The following PDGFC variants were observed in gnomAD, a reference collection of about 807,000 sequenced individuals.
PDGFC encodes the protein platelet-derived growth factor C.
PDGFC carries 12 observed loss-of-function variants against 35.5 expected under a neutral mutation model. The observed-to-expected ratio is 0.34, with a 90% CI of 0.22 to 0.55. PDGFC has a LOEUF of 0.55. PDGFC is among the 20% of genes least tolerant of loss of function. PDGFC has a pLI of 0.91. For synonymous variants in PDGFC, 159 were observed against 148.8 expected (o/e 1.07, Z -0.50); for missense variants, 322 against 412.4 (o/e 0.78, Z 1.90).
intron 1 of PDGFC, among the ~76,000 whole-genome samples, chr4:156,888,505 A>T (rs1298189777): frequency 3.3e-5 from 5 of 152,200 alleles, no homozygotes; most frequent in Admixed American, 3.3e-4. Flanking sequence ...TGTAAAGAAC[A>T]TCCCCATCAC....
intron 3 of PDGFC, among the ~76,000 whole-genome samples, chr4:156,780,655 C>T (rs1158570112): frequency 6.6e-6 from 1 of 152,046 alleles, no homozygotes; most frequent in Non-Finnish European, 1.5e-5. Context: ...AATAAGGGTA[C>T]AGAGTTATTT....
At chr4:156,918,585 T>C in intron 1 of PDGFC, among the ~76,000 whole-genome samples, 1 of 152,188 alleles carries the variant, frequency 6.6e-6, no homozygotes, top group East Asian at 1.9e-4. Flanking sequence ...GTGGCAGCAT[T>C]AGATTCTCAC....
intron 1 of PDGFC, among the ~76,000 whole-genome samples, chr4:156,880,878 G>T (rs907367202): frequency 6.6e-6 from 1 of 152,208 alleles, no homozygotes; most frequent in Non-Finnish European, 1.5e-5. Flanking sequence ...GATGAGCAAA[G>T]AAAGTGATTT....
intron 1 of PDGFC, among the ~76,000 whole-genome samples, chr4:156,938,507 A>G (rs184857557): frequency 4.6e-5 from 7 of 152,246 alleles, no homozygotes; most frequent in African/African-American, 1.7e-4. Flanking sequence ...AGATTTCTTT[A>G]TAATATCAAA....
Position 156,934,891 on chromosome 4 carries a change from A to G in PDGFC, c.118+35895T>C, listed in dbSNP as rs115060153. 5.4e-3 allele frequency among the ~76,000 whole-genome samples: 819 copies of G among 152,312 alleles called. 8 individuals carry two copies. The highest frequency in any genetic ancestry group is 0.019 in the African/African-American group (773 of 41,572). ...TCCCACTGGAAGGTTTTCAGGGGCAATAATAGGCATGGACATGTCATCTCC... is the reference window on the plus strand; with the variant it reads ...TCCCACTGGAAGGTTTTCAGGGGCAGTAATAGGCATGGACATGTCATCTCC... On this transcript the variant is annotated intron_variant, in intron 1 of 5. Coordinates refer to ENST00000502773, the MANE Select transcript of PDGFC (RefSeq NM_016205.3).
At chr4:156,819,933 G>T (rs1732201269) in intron 2 of PDGFC, among the ~76,000 whole-genome samples, 1 of 152,178 alleles carries the variant, frequency 6.6e-6, no homozygotes, top group Non-Finnish European at 1.5e-5. Flanking sequence ...GAGTTTGGAA[G>T]AAACTGGTTC....
intron 1 of PDGFC, among the ~76,000 whole-genome samples, chr4:156,926,691 C>T (rs569347722): frequency 5.9e-5 from 9 of 152,340 alleles, no homozygotes; most frequent in African/African-American, 1.2e-4. Flanking sequence ...CCTGGTCTTG[C>T]GCAGCTCCGC....
At chr4:156,832,798 C>T (rs965107003) in intron 2 of PDGFC, among the ~76,000 whole-genome samples, 3 of 152,184 alleles carry the variant, frequency 2.0e-5, no homozygotes, top group African/African-American at 4.8e-5. Context: ...TCCAATATGT[C>T]GGTCTGCAGG....
intron 3 of PDGFC, among the ~76,000 whole-genome samples, chr4:156,783,418 T>G (rs1195404968): frequency 2.0e-5 from 3 of 152,138 alleles, no homozygotes; most frequent in Admixed American, 6.5e-5. Flanking sequence ...GAAGGGGGTG[T>G]GCAGACTCTG....
intron 1 of PDGFC, chr4:156,861,346 A>C (rs1729705430): frequency 2.2e-6 from 1 of 444,702 alleles, no homozygotes; most frequent in South Asian, 1.9e-5. Flanking sequence ...CATTGTATCA[A>C]GCTTAATTAC....
chr4:156,942,942 G>A (rs568985343), intron 1 of PDGFC, among the ~76,000 whole-genome samples: 12 of 152,010 alleles, frequency 7.9e-5, no homozygotes, highest in East Asian at 1.9e-4. Flanking sequence ...TATCCCTCTC[G>A]GCTAGAGTAT....
At chr4:156,797,342 C>G (rs746027411) in intron 3 of PDGFC, among the ~76,000 whole-genome samples, 1 of 152,180 alleles carries the variant, frequency 6.6e-6, no homozygotes, top group South Asian at 2.1e-4. Context: ...TCACCCCTCG[C>G]CCACACCCCA....
intron 2 of PDGFC, among the ~76,000 whole-genome samples, chr4:156,834,827 T>A (rs944192234): frequency 2.0e-5 from 3 of 152,114 alleles, no homozygotes; most frequent in African/African-American, 7.2e-5. Context: ...TACTACTTCA[T>A]AACTGTCAGT....
At chr4:156,935,356 C>T (rs1001454914) in intron 1 of PDGFC, among the ~76,000 whole-genome samples, 7 of 152,074 alleles carry the variant, frequency 4.6e-5, no homozygotes, top group Non-Finnish European at 8.8e-5. Context: ...AATAGTATAG[C>T]AAATACAAAA....
At chr4:156,809,004 C>T (rs1028015340) in intron 3 of PDGFC, among the ~76,000 whole-genome samples, 2 of 151,974 alleles carry the variant, frequency 1.3e-5, no homozygotes, top group African/African-American at 4.8e-5. Flanking sequence ...TAGGACACTA[C>T]CTTCATTCTC....
At chr4:156,936,053 T>C (rs1446781835) in intron 1 of PDGFC, among the ~76,000 whole-genome samples, 4 of 152,196 alleles carry the variant, frequency 2.6e-5, no homozygotes, top group Non-Finnish European at 5.9e-5. Flanking sequence ...GTTATGGTCA[T>C]TGGAGATTAA....
At chr4:156,764,208 T>G (rs1343745671) in intron 5 of PDGFC, among the ~76,000 whole-genome samples, 1 of 152,206 alleles carries the variant, frequency 6.6e-6, no homozygotes, top group African/African-American at 2.4e-5. Context: ...AAATGTTCAT[T>G]AATCCAAAAA....
intron 1 of PDGFC, among the ~76,000 whole-genome samples, chr4:156,921,289 A>T (rs1053426945): frequency 6.6e-6 from 1 of 152,212 alleles, no homozygotes; most frequent in Admixed American, 6.5e-5. Context: ...GGTGGTGATC[A>T]GAATCTAATC....
chr4:156,897,257 A>G (rs1161481762), intron 1 of PDGFC, among the ~76,000 whole-genome samples: 4 of 152,090 alleles, frequency 2.6e-5, no homozygotes, highest in Non-Finnish European at 5.9e-5. Context: ...TAATTCAACA[A>G]AAGAATTTGC....
Sources: gnomAD v4.1 joint callset for allele counts (sites outside exome capture counted in the v4.1 genomes callset) on GRCh38, gnomAD v4.1.1 for gene constraint, MANE v1.5 for transcripts, NCBI Gene and HGNC (gene_info 2026-07-23, HGNC 2026-07-21) for gene names.